GRID2: variants seen among roughly 807,000 people sequenced by gnomAD.
GRID2 encodes the protein glutamate receptor ionotropic, delta-2.
A neutral mutation model predicts 114.8 loss-of-function variants in GRID2; 33 were observed. That is an observed-to-expected ratio of 0.29 (90% CI 0.22 to 0.38). The LOEUF (loss-of-function observed/expected upper bound fraction) is 0.38, where lower values mean the gene tolerates loss of function less well. Ranked by LOEUF, GRID2 falls within the 10% of genes least tolerant of loss-of-function variation. The probability of loss-of-function intolerance (pLI) is 1.00; values close to 1 mark genes in which losing one functional copy is unlikely to be tolerated. For synonymous variants in GRID2, 505 were observed against 449.9 expected (o/e 1.12, Z -1.55); for missense variants, 1,184 against 1,257.7 (o/e 0.94, Z 0.89).
At chr4:92,819,569 G>T (rs1741134032) in intron 2 of GRID2, among the ~76,000 whole-genome samples, 1 of 151,966 alleles carries the variant, frequency 6.6e-6, no homozygotes, top group African/African-American at 2.4e-5. Flanking sequence ...ATAAACTAAA[G>T]CATGTAAAAT....
At chr4:92,946,342 T>G (rs1334426966) in intron 2 of GRID2, among the ~76,000 whole-genome samples, 3 of 152,122 alleles carry the variant, frequency 2.0e-5, no homozygotes. Flanking sequence ...TTACCCACTC[T>G]TCTCTTGCCT....
intron 2 of GRID2, among the ~76,000 whole-genome samples, chr4:92,998,666 G>A (rs1440434711): frequency 1.3e-5 from 2 of 151,258 alleles, no homozygotes; most frequent in African/African-American, 2.4e-5. Context: ...CTGGGAAGAG[G>A]GTCCATAGCT....
chr4:92,367,215 T>C (rs1391558697), intron 1 of GRID2, among the ~76,000 whole-genome samples: 1 of 152,104 alleles, frequency 6.6e-6, no homozygotes, highest in Admixed American at 6.6e-5. Context: ...CCTGAATTGG[T>C]TGATAGTTGG....
At chr4:93,151,544 C>CA (rs1347645586) in intron 4 of GRID2, among the ~76,000 whole-genome samples, 2 of 151,650 alleles carry the variant, frequency 1.3e-5, no homozygotes, top group East Asian at 1.9e-4. Context: ...ATAAGGGTAA[C>CA]AAAAAATAGA....
chr4:93,692,844 C>T (rs1726685668), intron 14 of GRID2, among the ~76,000 whole-genome samples: 1 of 152,060 alleles, frequency 6.6e-6, no homozygotes, highest in Non-Finnish European at 1.5e-5. Context: ...GCAGATTGTC[C>T]TCATTCACTA....
intron 11 of GRID2, among the ~76,000 whole-genome samples, chr4:93,477,170 G>A (rs1015679409): frequency 5.9e-5 from 9 of 152,064 alleles, no homozygotes; most frequent in Admixed American, 5.9e-4. Context: ...TCCAGAAGTA[G>A]CCAGAGAACA....
Position 92,304,506 on chromosome 4 carries a change from C to T in GRID2, c.-151C>T. On this transcript the variant is annotated 5_prime_UTR_variant, in exon 1 of 16. Coordinates refer to ENST00000282020, the MANE Select transcript of GRID2 (RefSeq NM_001510.4). ...TGTCATTCCCTTCTGCCTTTCTCGG[C>T]GACGATAAAAGGCTTTGCTCTGGCA... 2 of 642,580 alleles carry T rather than the reference C, an allele frequency of 3.1e-6. No individual in the cohort carries two copies. Among genetic ancestry groups the T allele is most frequent in the Non-Finnish European group, 5.5e-6 (2 of 362,084 alleles). 39.8% of individuals were successfully genotyped at this position (642,580 alleles called of 1,614,324 possible).
intron 8 of GRID2, 107 bp downstream of exon 8, chr4:93,238,597 G>T: frequency 8.6e-6 from 7 of 816,994 alleles, no homozygotes; most frequent in African/African-American, 3.7e-5. Context: ...ATATTGTAGT[G>T]TGAAAGAGAA....
In GRID2 at chr4:92,537,784, G is replaced by GGTGTGTGT. The variant is rs70942907; in HGVS notation, c.89-52308_89-52301dup. ...AGTGATCTGCTTTCCAAAAACTTGC[G>GGTGTGTGT]GTGTGTGTGTGTGTGTGTGTGTGTG... On this transcript the variant is annotated intron_variant, in intron 1 of 15. Coordinates refer to ENST00000282020, the MANE Select transcript of GRID2 (RefSeq NM_001510.4). Among the ~76,000 whole-genome samples the GGTGTGTGT allele has an allele frequency of 6.8e-3, 853 of 125,972 alleles. 8 individuals carry two copies. The highest frequency in any genetic ancestry group is 0.016 in the South Asian group (54 of 3,420). 82.6% of individuals were successfully genotyped at this position (125,972 alleles called of 152,430 possible). A position where few individuals can be genotyped will look rare whatever the true frequency, so the allele number is the denominator to read the frequency against.
intron 13 of GRID2, among the ~76,000 whole-genome samples, chr4:93,548,059 C>A (rs1733395531): frequency 6.6e-6 from 1 of 151,886 alleles, no homozygotes. Flanking sequence ...CACCTGTAAT[C>A]CCAGCTACTT....
chr4:92,962,279 T>G (rs190971941), intron 2 of GRID2, among the ~76,000 whole-genome samples: 2 of 151,878 alleles, frequency 1.3e-5, no homozygotes, highest in Admixed American at 1.3e-4. Context: ...GTAGAACTGT[T>G]GTAAATAGAC....
intron 2 of GRID2, among the ~76,000 whole-genome samples, chr4:92,597,406 G>A (rs1275350544): frequency 1.3e-5 from 2 of 152,098 alleles, no homozygotes; most frequent in African/African-American, 4.8e-5. Context: ...TTGAAATTCA[G>A]ATGTTTACAG....
intron 2 of GRID2, among the ~76,000 whole-genome samples, chr4:92,875,180 G>A (rs1171368699): frequency 1.1e-5 from 1 of 91,014 alleles, no homozygotes; most frequent in Non-Finnish European, 2.0e-5. Flanking sequence ...TTTTTTTCCC[G>A]AGACGGAGTC....
At position 92,610,007 on chromosome 4, in the gene GRID2, A is replaced by T. The variant is rs928128735; in HGVS notation, c.244+19721A>T. Among the ~76,000 whole-genome samples the T allele has an allele frequency of 2.0e-5, 3 of 151,684 alleles. No homozygotes were observed. In the Admixed American group the frequency reaches 2.0e-4, roughly 10 times the overall value. On this transcript the variant is annotated intron_variant, in intron 2 of 15. Transcript: ENST00000282020. ...TCCACAATGTTAAACTATTCAAAAGAGTCCCTTACCCTCTTCTACAGTAGC... is the reference window on the plus strand; with the variant it reads ...TCCACAATGTTAAACTATTCAAAAGTGTCCCTTACCCTCTTCTACAGTAGC...
rs61508444 is a variant in GRID2, at chr4:93,656,829, C to CAAAAAAAAAA, written c.2360+30413_2360+30422dup. Among the ~76,000 whole-genome samples, 41 of 31,912 alleles carry CAAAAAAAAAA rather than the reference C, an allele frequency of 1.3e-3. 3 individuals are homozygous for CAAAAAAAAAA. Among genetic ancestry groups the CAAAAAAAAAA allele is most frequent in the Non-Finnish European group, 1.7e-3 (29 of 16,910 alleles). The allele number at this position is 31,912 out of a possible 152,430, so 20.9% of individuals were successfully genotyped here. A position where few individuals can be genotyped will look rare whatever the true frequency, so the allele number is the denominator to read the frequency against. ...TGGGTGACAGAGCGAGACTCTGCCT[C>CAAAAAAAAAA]AAAAAAAAAAAAAAAAAAAAAAAAA... On this transcript the variant is annotated intron_variant, in intron 14 of 15. Coordinates refer to ENST00000282020, the MANE Select transcript of GRID2 (RefSeq NM_001510.4).
chr4:93,566,304 T>C (rs2149572431), intron 13 of GRID2, among the ~76,000 whole-genome samples: 1 of 152,266 alleles, frequency 6.6e-6, no homozygotes, highest in Non-Finnish European at 1.5e-5. Flanking sequence ...TTTATTTATA[T>C]AGGGCATTCT....
At chr4:93,044,026 A>G (rs1489744467) in intron 2 of GRID2, among the ~76,000 whole-genome samples, 1 of 152,054 alleles carries the variant, frequency 6.6e-6, no homozygotes, top group Admixed American at 6.5e-5. Context: ...AAGTGATAGT[A>G]CAACAAGCAG....
chr4:93,618,942 T>G (rs777257474), intron 13 of GRID2, among the ~76,000 whole-genome samples: 47 of 152,188 alleles, frequency 3.1e-4, no homozygotes, highest in Admixed American at 9.2e-4. Context: ...TTTAAAAACT[T>G]TAAAAAATAT....
At chr4:93,215,631 T>C (rs1744121100) in intron 5 of GRID2, among the ~76,000 whole-genome samples, 1 of 151,994 alleles carries the variant, frequency 6.6e-6, no homozygotes, top group African/African-American at 2.4e-5. Flanking sequence ...AGCTAGCTGA[T>C]GGGAGGCATC....
Sources: allele counts gnomAD v4.1 joint callset (sites outside exome capture counted in the v4.1 genomes callset), GRCh38; gene constraint gnomAD v4.1.1; transcripts MANE v1.5; gene names NCBI Gene and HGNC (gene_info 2026-07-23, HGNC 2026-07-21).